The following PHC2 variants were observed in gnomAD, a reference collection of about 807,000 sequenced individuals.
PHC2 encodes polyhomeotic-like protein 2.
PHC2 carries 29 observed loss-of-function variants against 87.4 expected under a neutral mutation model. That is an observed-to-expected ratio of 0.33 (90% CI 0.25 to 0.45). The LOEUF (loss-of-function observed/expected upper bound fraction) is 0.45, where lower values mean the gene tolerates loss of function less well. PHC2 is among the 20% of genes least tolerant of loss of function. The pLI, the probability that PHC2 is intolerant of heterozygous loss-of-function variation, is 1.00. For synonymous variants in PHC2, 438 were observed against 461.7 expected (o/e 0.95, Z 0.66); for missense variants, 857 against 1,136.7 (o/e 0.75, Z 3.54).
At chr1:33,326,536 A>G (rs1646374803) in intron 14 of PHC2, 2 of 152,290 alleles carry the variant, frequency 1.3e-5, no homozygotes, top group Non-Finnish European at 2.9e-5. Context: ...AAGAATACCA[A>G]TGCAGACAAC....
At chr1:33,385,843 CTGGAA>C (rs368732297) in intron 1 of PHC2, among the ~76,000 whole-genome samples, 44 of 151,304 alleles carry the variant, frequency 2.9e-4, no homozygotes, top group African/African-American at 1.0e-3. Context: ...CTCGCCCAGG[CTGGAA>C]TGCAGTGGCA....
chr1:33,327,376 T>C (rs2148182673), intron 14 of PHC2, among the ~76,000 whole-genome samples: 1 of 152,140 alleles, frequency 6.6e-6, no homozygotes, highest in East Asian at 1.9e-4. Flanking sequence ...GACTTCAAAC[T>C]GATGCTGTCA....
chr1:33,419,927 C>G (rs1361909764), intron 1 of PHC2, among the ~76,000 whole-genome samples: 1 of 152,020 alleles, frequency 6.6e-6, no homozygotes, highest in Admixed American at 6.6e-5. Flanking sequence ...CTTATAAGGA[C>G]ACTTGTGATT....
chr1:33,326,091 T>A (rs537587332), intron 14 of PHC2: 2 of 328,254 alleles, frequency 6.1e-6, no homozygotes, highest in South Asian at 4.8e-5. Flanking sequence ...ATGAAGTGGG[T>A]GGTCTAGCTA....
At chr1:33,415,135 G>A (rs1432331274) in intron 1 of PHC2, among the ~76,000 whole-genome samples, 1 of 152,164 alleles carries the variant, frequency 6.6e-6, no homozygotes, top group African/African-American at 2.4e-5. Context: ...AGGTGACTGA[G>A]ATTAGACATC....
chr1:33,385,340 G>A (rs1268806228), intron 1 of PHC2, among the ~76,000 whole-genome samples: 1 of 152,108 alleles, frequency 6.6e-6, no homozygotes, highest in East Asian at 1.9e-4. Flanking sequence ...TCACACAAAG[G>A]CAAAGTATCA....
intron 7 of PHC2, among the ~76,000 whole-genome samples, chr1:33,363,560 G>A (rs1647263021): frequency 6.6e-6 from 1 of 152,214 alleles, no homozygotes; most frequent in African/African-American, 2.4e-5. Flanking sequence ...AAGCAGCTGT[G>A]TGGCCTTCCA....
At chr1:33,347,858 G>T in intron 9 of PHC2, 1 of 396,034 alleles carries the variant, frequency 2.5e-6, no homozygotes, top group Non-Finnish European at 3.4e-6. Flanking sequence ...TTGTGAGTGA[G>T]CCAAGCCAGA....
chr1:33,407,263 G>C (rs575995053), intron 1 of PHC2, among the ~76,000 whole-genome samples: 32 of 152,292 alleles, frequency 2.1e-4, no homozygotes, highest in Non-Finnish European at 4.1e-4. Flanking sequence ...GTGGGACTCT[G>C]TTGTTTCTGC....
Position 33,330,119 on chromosome 1 carries a change from C to A in PHC2, c.2100G>T (p.Arg700=). 1.2e-6 allele frequency: 2 copies of A among 1,614,214 alleles called. No homozygotes were observed. The highest frequency in any genetic ancestry group is 2.7e-5 in the African/African-American group (2 of 75,056). The part of the protein sequence containing the change: ...KAGAATHNRR[R]ASKASLPPLT... ...GTGGTGGCAGACTGGCTTTGCTGGC[C>A]CGACGGCGGTTGTGGGTCGCAGCTC... Residue 700 remains arginine, a synonymous_variant, in exon 13 of 15, where the codon CGG becomes CGT. Coordinates refer to ENST00000683057, the MANE Select transcript of PHC2 (RefSeq NM_001385109.1).
Position 33,334,336 on chromosome 1 carries a change from C to T in PHC2, c.1559-44G>A, listed in dbSNP as rs369240364. 27 of 1,564,976 alleles carry T rather than the reference C, an allele frequency of 1.7e-5. No homozygotes were observed. The highest frequency in any genetic ancestry group is 3.4e-5 in the Admixed American group (2 of 58,492). ...GAAAACAAAGCAGGGGAGATCAGAACCAGAGTCCACGCCCAGGGAGGGACA... is the reference window on the plus strand; with the variant it reads ...GAAAACAAAGCAGGGGAGATCAGAATCAGAGTCCACGCCCAGGGAGGGACA... On this transcript the variant is annotated intron_variant, in intron 9 of 14. Transcript: ENST00000683057. This position sits in a 1 kb window ranked among gnomAD's most constrained non-coding sequence, Gnocchi z 5.5.
At chr1:33,374,684 A>C (rs562945223) in intron 2 of PHC2, among the ~76,000 whole-genome samples, 119 of 152,266 alleles carry the variant, frequency 7.8e-4, no homozygotes, top group African/African-American at 2.0e-3. Context: ...ATTATCCAGG[A>C]ACCTCAAAAA....
chr1:33,382,110 G>A lies in PHC2; in HGVS notation c.-54-6517C>T, dbSNP rs899672745. On this transcript the variant is annotated intron_variant, in intron 1 of 14. Transcript: ENST00000683057. The surrounding 1 kb of genome is among the most constrained non-coding windows in gnomAD (Gnocchi z 4.3). ...TTATTGTTGGTCTCCTAGTAGAAGG[G>A]AACTTGAGTTGGAAGAAAACATAAT... is the stretch of plus-strand genomic sequence containing the variant. 6.6e-6 allele frequency among the ~76,000 whole-genome samples: 1 copy of A among 152,154 alleles called. No homozygotes were observed. Among genetic ancestry groups the A allele is most frequent in the Non-Finnish European group, 1.5e-5 (1 of 68,034 alleles).
chr1:33,355,031 G>A lies in PHC2; in HGVS notation c.1199C>T (p.Pro400Leu), dbSNP rs146954923. 1.1e-3 allele frequency: 1,784 copies of A among 1,613,770 alleles called. 4 individuals are homozygous for A. Among genetic ancestry groups the A allele is most frequent in the Non-Finnish European group, 1.4e-3 (1,640 of 1,179,980 alleles). ...CTGGAGTGGCAGGGCGGGTGTAACC[G>A]GGCCTAGTGGCATGGCATGGGCCTC... ...SSEAHAMPLG[P>L]VTPALPLQCP... The change falls in exon 8 of 15, where the codon CCG becomes CTG. Residue 400 changes from proline to leucine, a missense_variant. This residue lies in a region of PHC2 where 832 missense variants were observed against 1,081.8 expected (regional missense o/e 0.77). Transcript: ENST00000683057.
chr1:33,419,171 A>G (rs919747534), intron 1 of PHC2, among the ~76,000 whole-genome samples: 6 of 152,300 alleles, frequency 3.9e-5, no homozygotes, highest in African/African-American at 1.2e-4. Context: ...GACTACATAC[A>G]TGTTTGCCGA....
chr1:33,372,188 G>A, intron 3 of PHC2, 101 bp downstream of exon 3: 1 of 1,199,330 alleles, frequency 8.3e-7, no homozygotes, highest in Non-Finnish European at 1.2e-6. Context: ...TTGCAGGTAA[G>A]AGAAGGATGT....
In PHC2 at chr1:33,355,096, G is replaced by T. The variant is rs752324335; in HGVS notation, c.1134C>A (p.Leu378=). Residue 378 remains leucine (L), a synonymous_variant, in exon 8 of 15, where the codon CTC becomes CTA. Coordinates refer to ENST00000683057, the MANE Select transcript of PHC2 (RefSeq NM_001385109.1). ...GGGCCACGCTTGGAGAGACTGAGGCGAGCTGGGGGTGGGGCTCAGCTTGGA... is the reference window on the plus strand; with the variant it reads ...GGGCCACGCTTGGAGAGACTGAGGCTAGCTGGGGGTGGGGCTCAGCTTGGA... The part of the protein sequence containing the change: ...PVLQAEPHPQ[L]ASVSPSVALQ... 2 of 1,611,558 alleles carry T rather than the reference G, an allele frequency of 1.2e-6. No individual in the cohort carries two copies. The highest frequency in any genetic ancestry group is 1.7e-6 in the Non-Finnish European group (2 of 1,179,042).
chr1:33,367,152 C>A lies in PHC2; in HGVS notation c.940G>T (p.Val314Phe). Reference sequence around the variant, plus strand: ...AGGGGGTGGGCAGCCACAGCAGGAACCGTCCGGCTGAGCCCAGCCCGGCCT... The same window carrying A: ...AGGGGGTGGGCAGCCACAGCAGGAAACGTCCGGCTGAGCCCAGCCCGGCCT... ...MEGRAGLSRTVPAVAAHPLIA... is the reference protein window; with the variant it reads ...MEGRAGLSRTFPAVAAHPLIA... Residue 314 changes from valine to phenylalanine, a missense_variant, in exon 7 of 15, where the codon GTT becomes TTT. This residue lies in a region of PHC2 where 832 missense variants were observed against 1,081.8 expected (regional missense o/e 0.77). Transcript: ENST00000683057. 1 of 1,613,112 alleles carries A rather than the reference C, an allele frequency of 6.2e-7. No homozygotes were observed. The highest frequency in any genetic ancestry group is 1.1e-5 in the South Asian group (1 of 90,996).
At position 33,368,912 on chromosome 1, in the gene PHC2, A is replaced by G. The variant is rs1361280527; in HGVS notation, c.577-290T>C. ...GGAGAGCCGCTCTGGGGCTACACCAAAGCCGAGTTCCCTTCAGAACCCTCT... is the reference window on the plus strand; with the variant it reads ...GGAGAGCCGCTCTGGGGCTACACCAGAGCCGAGTTCCCTTCAGAACCCTCT... On this transcript the variant is annotated intron_variant, in intron 5 of 14. Coordinates refer to ENST00000683057, the MANE Select transcript of PHC2 (RefSeq NM_001385109.1). The surrounding 1 kb of genome is among the most constrained non-coding windows in gnomAD (Gnocchi z 6.6). 1.3e-5 allele frequency among the ~76,000 whole-genome samples: 2 copies of G among 152,078 alleles called. No homozygotes were observed. Among genetic ancestry groups the G allele is most frequent in the Non-Finnish European group, 2.9e-5 (2 of 67,996 alleles).
Sources: allele counts gnomAD v4.1 joint callset (sites outside exome capture counted in the v4.1 genomes callset), GRCh38; gene constraint gnomAD v4.1.1; regional missense constraint gnomAD v4.1.1; non-coding constraint Gnocchi (gnomAD v3.1); transcripts MANE v1.5; gene names NCBI Gene and HGNC (gene_info 2026-07-23, HGNC 2026-07-21).